Variants in NAPA observed in about 807,000 individuals in gnomAD.
NAPA encodes the protein alpha-soluble NSF attachment protein.
NAPA carries 18 observed loss-of-function variants against 48.0 expected under a neutral mutation model. The observed-to-expected ratio is 0.38, with a 90% CI of 0.26 to 0.56. NAPA has a LOEUF of 0.56. NAPA is among the 20% of genes least tolerant of loss of function. The pLI, the probability that NAPA is intolerant of heterozygous loss-of-function variation, is 0.77. For missense variants in NAPA, 315 were observed against 385.0 expected (o/e 0.82, Z 1.52); for synonymous variants, 152 against 149.9 (o/e 1.01, Z -0.10).
intron 1 of NAPA, among the ~76,000 whole-genome samples, chr19:47,509,288 TA>T (rs1236759471): frequency 8.4e-6 from 1 of 119,352 alleles, no homozygotes; most frequent in African/African-American, 3.5e-5. Context: ...CTTGTGGTGG[TA>T]AAAATAAAAT....
chr19:47,497,704 A>G (rs1338235886), intron 3 of NAPA, among the ~76,000 whole-genome samples: 1 of 152,218 alleles, frequency 6.6e-6, no homozygotes, highest in African/African-American at 2.4e-5. Flanking sequence ...AGCGACGCCC[A>G]ACCTGACTTC....
chr19:47,499,436 A>G (rs775813420), intron 3 of NAPA, among the ~76,000 whole-genome samples: 7 of 152,208 alleles, frequency 4.6e-5, no homozygotes, highest in African/African-American at 7.2e-5. Flanking sequence ...CATGTGGTGA[A>G]TCAAGCTTAA....
At chr19:47,489,616 T>C in intron 10 of NAPA, 95 bp downstream of exon 10, 2 of 1,377,274 alleles carry the variant, frequency 1.5e-6, no homozygotes, top group Non-Finnish European at 2.0e-6. Context: ...CCAGATGAAA[T>C]GGGTGAATGT....
At position 47,503,496 on chromosome 19, in the gene NAPA, T is replaced by A; in HGVS notation, c.105A>T (p.Ser35=). 6.2e-7 allele frequency: 1 copy of A among 1,614,154 alleles called. No homozygotes were observed. The highest frequency in any genetic ancestry group is 8.5e-7 in the Non-Finnish European group (1 of 1,179,996). Residue 35 remains serine (S), a synonymous_variant, in exon 2 of 11, where the codon TCA becomes TCT. Coordinates refer to ENST00000263354, the MANE Select transcript of NAPA (RefSeq NM_003827.4). ...TTTCGCATGCTTCCTCTATTTTGGATGAGCCTCTGGGGAAAAAGGAAAGAA... is the reference window on the plus strand; with the variant it reads ...TTTCGCATGCTTCCTCTATTTTGGAAGAGCCTCTGGGGAAAAAGGAAAGAA... ...QSFFSGLFGG[S]SKIEEACEIY...
downstream of NAPA, among the ~76,000 whole-genome samples, chr19:47,486,460 A>G (rs953469525): frequency 7.2e-5 from 11 of 152,058 alleles, no homozygotes; most frequent in African/African-American, 2.7e-4. Context: ...TTGCACCATC[A>G]TGCCTAATTT....
At chr19:47,510,647 A>ACT (rs2122781225) in intron 1 of NAPA, among the ~76,000 whole-genome samples, 1 of 152,276 alleles carries the variant, frequency 6.6e-6, no homozygotes, top group Admixed American at 6.5e-5. Context: ...TGGCTGGGAA[A>ACT]CATCAGGGAT....
downstream of NAPA, among the ~76,000 whole-genome samples, chr19:47,484,706 A>ATTT (rs35425298): frequency 1.2e-4 from 15 of 129,142 alleles, no homozygotes; most frequent in African/African-American, 3.3e-4. Flanking sequence ...ACAGTTCACT[A>ATTT]TTTTTTTTTT....
chr19:47,515,007 C>A lies in NAPA; in HGVS notation c.-67G>T. The A allele has an allele frequency of 6.7e-7, 1 of 1,501,892 alleles. No individual in the cohort carries two copies. The highest frequency in any genetic ancestry group is 1.4e-5 in the African/African-American group (1 of 71,896). 93.0% of individuals were successfully genotyped at this position (1,501,892 alleles called of 1,614,324 possible). A position where few individuals can be genotyped will look rare whatever the true frequency, so the allele number is the denominator to read the frequency against. On this transcript the variant is annotated 5_prime_UTR_variant, in exon 1 of 11. Transcript: ENST00000263354. ...CTGGGAAGACTCAGCCGCGGCCGGG[C>A]CGCGGAACACAGATCGGTAAAACTC...
At chr19:47,486,072 C>G (rs1968067288), downstream of NAPA, among the ~76,000 whole-genome samples, 1 of 152,172 alleles carries the variant, frequency 6.6e-6, no homozygotes, top group Admixed American at 6.5e-5. Flanking sequence ...CAAACCAAAA[C>G]AGGCCGGGCC....
At chr19:47,484,935 G>A (rs1968027244), downstream of NAPA, among the ~76,000 whole-genome samples, 1 of 152,052 alleles carries the variant, frequency 6.6e-6, no homozygotes, top group African/African-American at 2.4e-5. Flanking sequence ...CCTGACCTCA[G>A]GTGATCCGCC....
intron 1 of NAPA, among the ~76,000 whole-genome samples, chr19:47,504,570 T>C (rs1968654373): frequency 6.6e-6 from 1 of 152,088 alleles, no homozygotes; most frequent in South Asian, 2.1e-4. Context: ...ACTTATTCAC[T>C]GGACATCCCG....
At position 47,493,502 on chromosome 19, in the gene NAPA, G is replaced by A; in HGVS notation, c.343-9C>T. ...GCAATCGTGAATCGGCCCTGGAGGG[G>A]ACACAGGAAGGGGCTGCCTGCGACT... is the stretch of plus-strand genomic sequence containing the variant. On this transcript the variant is annotated splice_polypyrimidine_tract_variant and intron_variant, in intron 4 of 10. Transcript: ENST00000263354. This position sits in a 1 kb window ranked among gnomAD's most constrained non-coding sequence, Gnocchi z 6.4. 2 of 1,613,438 alleles carry A rather than the reference G, an allele frequency of 1.2e-6. No individual in the cohort carries two copies. The highest frequency in any genetic ancestry group is 1.7e-6 in the Non-Finnish European group (2 of 1,179,678).
Position 47,490,483 on chromosome 19 carries a change from GGTGTGGTGTGATGT to G in NAPA, c.735+291_735+304del, listed in dbSNP as rs991334516. Among the ~76,000 whole-genome samples the G allele has an allele frequency of 1.5e-3, 120 of 80,542 alleles. 1 individual carries two copies. Among genetic ancestry groups the G allele is most frequent in the African/African-American group, 4.4e-3 (85 of 19,510 alleles). 52.8% of individuals were successfully genotyped at this position (80,542 alleles called of 152,430 possible). On this transcript the variant is annotated intron_variant, in intron 9 of 10. Coordinates refer to ENST00000263354, the MANE Select transcript of NAPA (RefSeq NM_003827.4). ...TGTGTAGTGTATGTTTGGTGTGTGTGGTGTGGTGTGATGTGTGTGGTGTGGTGTGTGTAGTGTAT... is the reference window on the plus strand; with the variant it reads ...TGTGTAGTGTATGTTTGGTGTGTGTGGTGTGGTGTGGTGTGTGTAGTGTAT...
At chr19:47,490,675 C>CAAAACA (rs139535582) in intron 9 of NAPA, 113 bp downstream of exon 9, 88 of 890,938 alleles carry the variant, frequency 9.9e-5, no homozygotes, top group South Asian at 1.0e-4. Flanking sequence ...CAAAACAAAA[C>CAAAACA]AAAGACACCC....
chr19:47,505,986 AGT>A (rs921094636), intron 1 of NAPA, among the ~76,000 whole-genome samples: 6 of 139,806 alleles, frequency 4.3e-5, no homozygotes, highest in Non-Finnish European at 9.3e-5. Flanking sequence ...CCTTGTTTGG[AGT>A]GACTTCTTTT....
Position 47,493,315 on chromosome 19 carries a change from C to G in NAPA, c.420+101G>C. ...CAAGCTCTGCCGGCGCCCCATGCCC[C>G]CTTCTCGGCACTCAGACACCAGAGG... On this transcript the variant is annotated intron_variant, in intron 5 of 10. Transcript: ENST00000263354. The surrounding 1 kb of genome is among the most constrained non-coding windows in gnomAD (Gnocchi z 6.4). 1 of 1,509,162 alleles carries G rather than the reference C, an allele frequency of 6.6e-7. No homozygotes were observed. The highest frequency in any genetic ancestry group is 1.4e-5 in the African/African-American group (1 of 73,006). The allele number at this position is 1,509,162 out of a possible 1,614,324, so 93.5% of individuals were successfully genotyped here. A position where few individuals can be genotyped will look rare whatever the true frequency, so the allele number is the denominator to read the frequency against.
chr19:47,511,338 C>A (rs922837906), intron 1 of NAPA, among the ~76,000 whole-genome samples: 97 of 152,324 alleles, frequency 6.4e-4, no homozygotes, highest in African/African-American at 2.3e-3. Context: ...TCCCAGCTCC[C>A]AGGCACACAA....
intron 1 of NAPA, among the ~76,000 whole-genome samples, chr19:47,503,827 C>T (rs1362888765): frequency 6.6e-6 from 1 of 152,222 alleles, no homozygotes; most frequent in Non-Finnish European, 1.5e-5. Context: ...TAGGGGCCCA[C>T]TGGGTCCCAG....
intron 1 of NAPA, among the ~76,000 whole-genome samples, chr19:47,514,536 G>A (rs1023465896): frequency 2.0e-5 from 3 of 152,000 alleles, no homozygotes; most frequent in African/African-American, 4.8e-5. Flanking sequence ...GTTCTCCCCC[G>A]CCCGCTGGCC....
Sources: allele counts gnomAD v4.1 joint callset (sites outside exome capture counted in the v4.1 genomes callset), GRCh38; gene constraint gnomAD v4.1.1; non-coding constraint Gnocchi (gnomAD v3.1); transcripts MANE v1.5; gene names NCBI Gene and HGNC (gene_info 2026-07-23, HGNC 2026-07-21).